VRK2: variants seen among roughly 807,000 people sequenced by gnomAD.
VRK2 encodes serine/threonine-protein kinase VRK2.
In VRK2, 60 loss-of-function variants were observed where a neutral mutation model predicts 57.6. The ratio of observed to expected loss-of-function variants is 1.04; its 90% CI spans 0.85 to 1.29. The LOEUF (loss-of-function observed/expected upper bound fraction) is 1.29. VRK2 is among the 50% of genes most tolerant of loss of function. The pLI is 0.00. For synonymous variants in VRK2, 231 were observed against 199.2 expected (o/e 1.16, Z -1.35); for missense variants, 705 against 588.1 (o/e 1.20, Z -2.06).
chr2:57,955,671 A>G (rs1167961494), intron 1 of VRK2, among the ~76,000 whole-genome samples: 2 of 152,198 alleles, frequency 1.3e-5, no homozygotes, highest in Non-Finnish European at 2.9e-5. Context: ...TGATAGGTTG[A>G]TAGGTGCAGC....
intron 1 of VRK2, among the ~76,000 whole-genome samples, chr2:57,930,138 G>A (rs988768077): frequency 1.3e-5 from 2 of 152,140 alleles, no homozygotes; most frequent in South Asian, 2.1e-4. Flanking sequence ...AGGACTTGCC[G>A]AAGAATTGCA....
At chr2:57,931,249 C>T (rs1670714213) in intron 1 of VRK2, among the ~76,000 whole-genome samples, 1 of 151,940 alleles carries the variant, frequency 6.6e-6, no homozygotes. Flanking sequence ...ATTTACATTC[C>T]CACCAAAAGT....
At chr2:58,069,254 C>A (rs1669060813) in intron 2 of VRK2, among the ~76,000 whole-genome samples, 1 of 152,144 alleles carries the variant, frequency 6.6e-6, no homozygotes, top group South Asian at 2.1e-4. Context: ...TTTTCAATAG[C>A]AAAAGTATTG....
At chr2:58,096,462 T>G (rs562430605) in intron 7 of VRK2, among the ~76,000 whole-genome samples, 1 of 152,168 alleles carries the variant, frequency 6.6e-6, no homozygotes, top group African/African-American at 2.4e-5. Flanking sequence ...TATTTGAGTG[T>G]CTGTTTTAGT....
chr2:58,114,208 T>C (rs750267277), intron 7 of VRK2, among the ~76,000 whole-genome samples: 4 of 152,154 alleles, frequency 2.6e-5, no homozygotes, highest in Non-Finnish European at 4.4e-5. Flanking sequence ...GACATCTGAT[T>C]AGAGAGTGCC....
intron 1 of VRK2, among the ~76,000 whole-genome samples, chr2:58,014,522 A>G (rs1673516073): frequency 6.6e-6 from 1 of 152,228 alleles, no homozygotes. Context: ...TTACCCTTGC[A>G]TTCTGCTTCA....
chr2:58,024,374 A>G (rs1673859533), intron 1 of VRK2, among the ~76,000 whole-genome samples: 1 of 152,188 alleles, frequency 6.6e-6, no homozygotes, highest in African/African-American at 2.4e-5. Context: ...TAGAAAATAA[A>G]TAAATAAGGA....
intron 1 of VRK2, among the ~76,000 whole-genome samples, chr2:57,975,382 G>A (rs907448161): frequency 6.6e-6 from 1 of 151,992 alleles, no homozygotes; most frequent in Non-Finnish European, 1.5e-5. Flanking sequence ...TTTTATATTA[G>A]TTTTCTATTG....
chr2:57,939,596 C>T (rs1299483222), intron 1 of VRK2, among the ~76,000 whole-genome samples: 1 of 152,036 alleles, frequency 6.6e-6, no homozygotes, highest in Non-Finnish European at 1.5e-5. Flanking sequence ...GCATATAGTG[C>T]TATAAAAATT....
chr2:58,001,435 G>C (rs1372501541), intron 1 of VRK2, among the ~76,000 whole-genome samples: 2 of 152,186 alleles, frequency 1.3e-5, no homozygotes, highest in Non-Finnish European at 2.9e-5. Context: ...GCTTTTCTGA[G>C]AGTTTTAGAA....
chr2:58,128,641 T>C (rs1466586270), intron 8 of VRK2, among the ~76,000 whole-genome samples: 1 of 152,152 alleles, frequency 6.6e-6, no homozygotes, highest in African/African-American at 2.4e-5. Context: ...AACAAAGTAA[T>C]TGCAAGATTG....
At chr2:57,972,831 A>G (rs1672137272) in intron 1 of VRK2, among the ~76,000 whole-genome samples, 1 of 151,980 alleles carries the variant, frequency 6.6e-6, no homozygotes, top group South Asian at 2.1e-4. Flanking sequence ...AACCTATACT[A>G]AGAATTATTC....
chr2:58,062,188 A>G (rs924046756), intron 2 of VRK2, among the ~76,000 whole-genome samples: 1 of 152,016 alleles, frequency 6.6e-6, no homozygotes, highest in South Asian at 2.1e-4. Flanking sequence ...TCTTGTGACT[A>G]TCATAATTGC....
At chr2:58,018,791 C>T (rs1247081655) in intron 1 of VRK2, among the ~76,000 whole-genome samples, 2 of 152,052 alleles carry the variant, frequency 1.3e-5, no homozygotes, top group Non-Finnish European at 2.9e-5. Context: ...CTGACCACTT[C>T]CAATTATAAG....
At chr2:57,962,023 G>C (rs1207018097) in intron 1 of VRK2, among the ~76,000 whole-genome samples, 1 of 152,184 alleles carries the variant, frequency 6.6e-6, no homozygotes, top group Non-Finnish European at 1.5e-5. Flanking sequence ...GCTATACTAA[G>C]CCGTGATTGC....
chr2:58,159,085 T>C (rs562908124), intron 12 of VRK2, among the ~76,000 whole-genome samples: 2 of 152,274 alleles, frequency 1.3e-5, no homozygotes, highest in Admixed American at 1.3e-4. Context: ...ATTTTTAGAT[T>C]ATAAATTACT....
At chr2:57,913,484 A>T (rs1304039227) in intron 1 of VRK2, among the ~76,000 whole-genome samples, 1 of 152,086 alleles carries the variant, frequency 6.6e-6, no homozygotes, top group East Asian at 1.9e-4. Context: ...TTCTGTTTTC[A>T]GGAGAAATTT....
intron 1 of VRK2, among the ~76,000 whole-genome samples, chr2:57,969,086 C>T (rs1672012489): frequency 6.6e-6 from 1 of 151,988 alleles, no homozygotes; most frequent in Non-Finnish European, 1.5e-5. Context: ...TGTTTGGGGG[C>T]AGTCACAGAT....
chr2:57,942,740 T>C (rs528393233), intron 1 of VRK2, among the ~76,000 whole-genome samples: 10 of 152,322 alleles, frequency 6.6e-5, no homozygotes, highest in African/African-American at 2.4e-4. Context: ...GCTTCTGAGA[T>C]GTATCAATCA....
Sources: gnomAD v4.1 joint callset for allele counts (sites outside exome capture counted in the v4.1 genomes callset) on GRCh38, gnomAD v4.1.1 for gene constraint, MANE v1.5 for transcripts, NCBI Gene and HGNC (gene_info 2026-07-23, HGNC 2026-07-21) for gene names.